CLIP4: variants seen among roughly 807,000 people sequenced by gnomAD.
CLIP4 encodes the protein CAP-Gly domain-containing linker protein 4.
A neutral mutation model predicts 73.1 loss-of-function variants in CLIP4; 47 were observed. The ratio of observed to expected loss-of-function variants is 0.64; its 90% confidence interval spans 0.51 to 0.82. The LOEUF (loss-of-function observed/expected upper bound fraction) is 0.82, where lower values mean the gene tolerates loss of function less well. Ranked by LOEUF, CLIP4 falls within the 40% of genes least tolerant of loss-of-function variation. The probability of loss-of-function intolerance (pLI) is 0.00; values close to 1 mark genes in which losing one functional copy is unlikely to be tolerated. For missense variants in CLIP4, 874 were observed against 852.9 expected (o/e 1.02, Z -0.31); for synonymous variants, 306 against 295.4 (o/e 1.04, Z -0.37).
intron 6 of CLIP4, among the ~76,000 whole-genome samples, chr2:29,138,598 G>C (rs1375706828): frequency 1.3e-5 from 2 of 151,978 alleles, no homozygotes; most frequent in African/African-American, 4.8e-5. Flanking sequence ...ATTGCTTTGG[G>C]CAATGTGGAC....
At chr2:29,133,913 T>C in intron 5 of CLIP4, 97 bp downstream of exon 5, 2 of 1,084,098 alleles carry the variant, frequency 1.8e-6, no homozygotes, top group Non-Finnish European at 2.6e-6. Context: ...TTCTAATCCA[T>C]CTTGTTTCAT....
At chr2:29,108,016 T>C (rs1225836162) in intron 1 of CLIP4, among the ~76,000 whole-genome samples, 1 of 152,042 alleles carries the variant, frequency 6.6e-6, no homozygotes, top group African/African-American at 2.4e-5. Context: ...TAAAGCTTTC[T>C]ATTATGGAAA....
intron 12 of CLIP4, among the ~76,000 whole-genome samples, chr2:29,162,287 T>C (rs1249999693): frequency 6.6e-6 from 1 of 152,204 alleles, no homozygotes; most frequent in Admixed American, 6.5e-5. Context: ...GTTAAAAACA[T>C]TCTGTCCTGT....
chr2:29,151,425 G>A (rs1212709461), intron 8 of CLIP4, among the ~76,000 whole-genome samples: 1 of 152,076 alleles, frequency 6.6e-6, no homozygotes, highest in Non-Finnish European at 1.5e-5. Flanking sequence ...GAGAGAGAGA[G>A]AGTGTGTGTG....
chr2:29,166,786 T>C (rs972419425), intron 13 of CLIP4, among the ~76,000 whole-genome samples: 2 of 152,200 alleles, frequency 1.3e-5, no homozygotes, highest in Admixed American at 6.5e-5. Context: ...CTATGAATTG[T>C]AATGTGAAAT....
chr2:29,160,081 G>C (rs1252084207), intron 11 of CLIP4, among the ~76,000 whole-genome samples: 4 of 152,176 alleles, frequency 2.6e-5, no homozygotes, highest in African/African-American at 9.7e-5. Context: ...CAGGTTTTGT[G>C]AATTTCCCAT....
intron 6 of CLIP4, among the ~76,000 whole-genome samples, chr2:29,137,190 G>A (rs1002647257): frequency 2.6e-5 from 4 of 151,758 alleles, no homozygotes; most frequent in East Asian, 1.9e-4. Flanking sequence ...ACTCCCTCCC[G>A]TCTTTAGGGG....
At chr2:29,169,454 A>G (rs1338642713) in intron 14 of CLIP4, among the ~76,000 whole-genome samples, 1 of 151,918 alleles carries the variant, frequency 6.6e-6, no homozygotes, top group Non-Finnish European at 1.5e-5. Flanking sequence ...AATTACTTCC[A>G]ATTACATATG....
intron 7 of CLIP4, among the ~76,000 whole-genome samples, chr2:29,144,702 T>G (rs976586406): frequency 6.6e-6 from 1 of 151,868 alleles, no homozygotes; most frequent in Non-Finnish European, 1.5e-5. Flanking sequence ...GTCCCTTCAG[T>G]TTTTTCTTAA....
chr2:29,130,153 G>C (rs1193116694), intron 2 of CLIP4: 2 of 451,400 alleles, frequency 4.4e-6, no homozygotes, highest in East Asian at 7.1e-5. Context: ...CTGGGTGAGA[G>C]AGCAGCCAGT....
intron 7 of CLIP4, among the ~76,000 whole-genome samples, 154 bp from the exon 8 acceptor site, chr2:29,145,078 G>A (rs1666061615): frequency 6.6e-6 from 1 of 151,626 alleles, no homozygotes; most frequent in African/African-American, 2.4e-5. Context: ...ACATTACCAA[G>A]CATAAAAAGG....
At chr2:29,123,590 A>G (rs1307232211) in intron 2 of CLIP4, among the ~76,000 whole-genome samples, 1 of 152,208 alleles carries the variant, frequency 6.6e-6, no homozygotes, top group African/African-American at 2.4e-5. Context: ...TGTTCCAGGA[A>G]GGAAAACAGA....
At chr2:29,165,603 C>G (rs1053639208) in intron 13 of CLIP4, among the ~76,000 whole-genome samples, 1 of 152,170 alleles carries the variant, frequency 6.6e-6, no homozygotes, top group Non-Finnish European at 1.5e-5. Flanking sequence ...CATGCTGAGT[C>G]ACCAGTGAAT....
At chr2:29,145,458 A>G (rs1036360827) in intron 8 of CLIP4, 91 bp downstream of exon 8, 2 of 1,072,056 alleles carry the variant, frequency 1.9e-6, no homozygotes, top group African/African-American at 3.2e-5. Context: ...TTTTCTCCTG[A>G]TTTCTTATGT....
chr2:29,110,838 G>A (rs1268694153), upstream of CLIP4, among the ~76,000 whole-genome samples: 1 of 152,066 alleles, frequency 6.6e-6, no homozygotes, highest in Non-Finnish European at 1.5e-5. Context: ...ACAGGTGCAC[G>A]CCACCATGCC....
intron 2 of CLIP4, among the ~76,000 whole-genome samples, chr2:29,123,754 C>G (rs573432780): frequency 7.9e-5 from 12 of 152,056 alleles, no homozygotes; most frequent in African/African-American, 2.7e-4. Flanking sequence ...GTCATGTAGG[C>G]CCCCATAGGG....
chr2:29,174,124 C>CT (rs201530310), intron 14 of CLIP4, among the ~76,000 whole-genome samples: 6,583 of 150,252 alleles, frequency 0.044, 455 homozygotes, highest in African/African-American at 0.15. Context: ...GCTTTCTTTT[C>CT]TTTTTTTTTA....
intron 15 of CLIP4, chr2:29,174,800 A>C: frequency 2.3e-6 from 1 of 432,894 alleles, no homozygotes; most frequent in Non-Finnish European, 3.1e-6. Flanking sequence ...TCAGTGATAC[A>C]TGAAAGAAAT....
rs1667221076 is a variant in CLIP4 at position 29,160,552 on chromosome 2, A to G, written c.1534+85A>G. On this transcript the variant is annotated intron_variant, in intron 12 of 15. Transcript: ENST00000320081. ...TTACATGTAAATAGAATTTAATTGT[A>G]GAGAAATCTTGATGAACAGTTTTTG... 3 of 1,480,762 alleles carry G rather than the reference A, an allele frequency of 2.0e-6. No individual in the cohort carries two copies. The South Asian group carries it at 3.9e-5, about 19-fold the overall frequency. 91.7% of individuals were successfully genotyped at this position (1,480,762 alleles called of 1,614,324 possible).
Sources: gnomAD v4.1 joint callset for allele counts (sites outside exome capture counted in the v4.1 genomes callset) on GRCh38, gnomAD v4.1.1 for gene constraint, MANE v1.5 for transcripts, NCBI Gene and HGNC (gene_info 2026-07-23, HGNC 2026-07-21) for gene names.